RELN: variants seen among roughly 807,000 people sequenced by gnomAD.
RELN encodes the protein reelin.
A neutral mutation model predicts 427.6 loss-of-function variants in RELN; 108 were observed. The ratio of observed to expected loss-of-function variants is 0.25; its 90% CI spans 0.22 to 0.30. RELN has a LOEUF of 0.30. Ranked by LOEUF, RELN falls within the 10% of genes least tolerant of loss-of-function variation. The pLI is 1.00. For missense variants in RELN, 3,715 were observed against 4,302.8 expected (o/e 0.86, Z 3.82); for synonymous variants, 1,524 against 1,513.4 (o/e 1.01, Z -0.16).
chr7:103,819,390 A>G (rs2116366462), intron 3 of RELN, among the ~76,000 whole-genome samples: 1 of 152,142 alleles, frequency 6.6e-6, no homozygotes, highest in East Asian at 1.9e-4. Context: ...CAAAACTCAG[A>G]AAGATACAAT....
intron 41 of RELN, among the ~76,000 whole-genome samples, chr7:103,550,847 G>A (rs1053905254): frequency 6.6e-6 from 1 of 152,092 alleles, no homozygotes; most frequent in South Asian, 2.1e-4. Flanking sequence ...CCACTACAGG[G>A]TGCAGCCCAT....
intron 6 of RELN, among the ~76,000 whole-genome samples, chr7:103,740,559 C>A (rs1790617283): frequency 6.6e-6 from 1 of 152,120 alleles, no homozygotes; most frequent in South Asian, 2.1e-4. Flanking sequence ...TCATAAAAAA[C>A]TTGGAAGAGT....
chr7:103,855,780 C>T (rs949329521), intron 2 of RELN, among the ~76,000 whole-genome samples: 1 of 152,158 alleles, frequency 6.6e-6, no homozygotes. Context: ...TCCTGAGCTT[C>T]TCCATCTTAA....
In RELN at chr7:103,545,356, G is replaced by A; in HGVS notation, c.6303-12C>T. ...TGAAACGGACAGATCTGGAAAAGAGGACAAGTCTTTCAAAAGCTAATCAAC... is the reference window on the plus strand; with the variant it reads ...TGAAACGGACAGATCTGGAAAAGAGAACAAGTCTTTCAAAAGCTAATCAAC... On this transcript the variant is annotated splice_polypyrimidine_tract_variant and intron_variant, in intron 41 of 64. Coordinates refer to ENST00000428762, the MANE Select transcript of RELN (RefSeq NM_005045.4). 1 of 1,588,622 alleles carries A rather than the reference G, an allele frequency of 6.3e-7. No individual in the cohort carries two copies. The highest frequency in any genetic ancestry group is 1.3e-5 in the African/African-American group (1 of 74,444).
intron 43 of RELN, 77 bp from the exon 44 acceptor site, chr7:103,540,532 G>T: frequency 7.2e-7 from 1 of 1,381,492 alleles, no homozygotes; most frequent in Non-Finnish European, 1.0e-6. Flanking sequence ...AAGCACATGG[G>T]GTAATGCAGG....
At chr7:103,540,164 A>T in intron 44 of RELN, 33 bp downstream of exon 44, 7 of 1,613,516 alleles carry the variant, frequency 4.3e-6, no homozygotes, top group Non-Finnish European at 5.9e-6. Context: ...TCAAGTGACG[A>T]CAATTAAAAT....
At chr7:103,646,358 G>T (rs1362090459) in intron 16 of RELN, among the ~76,000 whole-genome samples, 6 of 151,574 alleles carry the variant, frequency 4.0e-5, no homozygotes, top group Non-Finnish European at 1.5e-5. Context: ...GGTGAACCAA[G>T]TTGACCAATC....
At chr7:103,553,309 A>T in intron 40 of RELN, 152 bp downstream of exon 40, 1 of 650,576 alleles carries the variant, frequency 1.5e-6, no homozygotes, top group Non-Finnish European at 2.7e-6. Context: ...TGGCTCTGTT[A>T]ATAAGAGAAA....
chr7:103,833,772 G>A (rs931537623), intron 2 of RELN, 100 bp from the exon 3 acceptor site: 2 of 1,190,548 alleles, frequency 1.7e-6, no homozygotes, highest in Non-Finnish European at 2.4e-6. Context: ...TCATGTTAAG[G>A]TTCTATGCTA....
chr7:103,923,961 A>T (rs1011824200), intron 1 of RELN, among the ~76,000 whole-genome samples: 2 of 152,288 alleles, frequency 1.3e-5, no homozygotes, highest in East Asian at 3.9e-4. Context: ...TAATTACTAT[A>T]ATTATACCCC....
chr7:103,764,091 G>C (rs991250429), intron 4 of RELN, among the ~76,000 whole-genome samples: 1 of 152,146 alleles, frequency 6.6e-6, no homozygotes, highest in African/African-American at 2.4e-5. Context: ...GTACAGATTT[G>C]GGACGGACTA....
chr7:103,918,694 ATC>A (rs1244712191), intron 1 of RELN, among the ~76,000 whole-genome samples: 2 of 152,194 alleles, frequency 1.3e-5, no homozygotes. Context: ...AGGTTGTTTT[ATC>A]TTTAGCTTGT....
intron 28 of RELN, among the ~76,000 whole-genome samples, chr7:103,583,581 G>T (rs1313399292): frequency 1.3e-5 from 2 of 152,276 alleles, no homozygotes; most frequent in Non-Finnish European, 2.9e-5. Context: ...GCTGACCAGA[G>T]ATATCAGACA....
At chr7:103,693,000 T>C (rs542983817) in intron 10 of RELN, among the ~76,000 whole-genome samples, 3 of 152,180 alleles carry the variant, frequency 2.0e-5, no homozygotes, top group South Asian at 2.1e-4. Flanking sequence ...TCTGAGTTGG[T>C]TGTATTTGTG....
chr7:103,477,224 C>T (rs1027757269), intron 64 of RELN, among the ~76,000 whole-genome samples: 11 of 152,150 alleles, frequency 7.2e-5, no homozygotes, highest in African/African-American at 2.7e-4. Flanking sequence ...CTTTGAATAA[C>T]TAGTGACTCT....
chr7:103,499,791 T>A (rs187612605), intron 53 of RELN, among the ~76,000 whole-genome samples: 2 of 152,166 alleles, frequency 1.3e-5, no homozygotes, highest in East Asian at 3.8e-4. Flanking sequence ...ATTTATAGAT[T>A]TGTACAATTT....
chr7:103,800,441 C>A (rs1479610430), intron 3 of RELN, among the ~76,000 whole-genome samples: 1 of 152,170 alleles, frequency 6.6e-6, no homozygotes, highest in Non-Finnish European at 1.5e-5. Flanking sequence ...CTACAACCAT[C>A]TGATCTTTGA....
In RELN at chr7:103,663,865, T is replaced by A. The variant is rs140030156; in HGVS notation, c.1290-2338A>T. ...AGAGGTTTTCAGGTTTAGATCTCTTTTAAAGATTCGCAGGCCTAAATGGAT... is the reference window on the plus strand; with the variant it reads ...AGAGGTTTTCAGGTTTAGATCTCTTATAAAGATTCGCAGGCCTAAATGGAT... On this transcript the variant is annotated intron_variant, in intron 11 of 64. Coordinates refer to ENST00000428762, the MANE Select transcript of RELN (RefSeq NM_005045.4). 3.2e-3 allele frequency among the ~76,000 whole-genome samples: 483 copies of A among 152,318 alleles called. 3 individuals are homozygous for A. The highest frequency in any genetic ancestry group is 5.1e-3 in the Non-Finnish European group (350 of 68,034).
At chr7:103,664,005 C>T (rs200514611) in intron 11 of RELN, among the ~76,000 whole-genome samples, 3 of 152,268 alleles carry the variant, frequency 2.0e-5, no homozygotes, top group South Asian at 2.1e-4. Flanking sequence ...CTTTTCAAGG[C>T]GGACCCATCT....
Sources: allele counts gnomAD v4.1 joint callset (sites outside exome capture counted in the v4.1 genomes callset), GRCh38; gene constraint gnomAD v4.1.1; transcripts MANE v1.5; gene names NCBI Gene and HGNC (gene_info 2026-07-23, HGNC 2026-07-21).